Variants in BCKDHB observed in about 807,000 individuals in gnomAD.
BCKDHB encodes the protein 2-oxoisovalerate dehydrogenase subunit beta, mitochondrial.
A neutral mutation model predicts 48.5 loss-of-function variants in BCKDHB; 41 were observed. That is an observed-to-expected ratio of 0.85 (90% CI 0.66 to 1.10). The LOEUF (loss-of-function observed/expected upper bound fraction) is 1.10. Ranked by LOEUF, BCKDHB falls within the 50% of genes least tolerant of loss-of-function variation. BCKDHB has a pLI of 0.00. For missense variants in BCKDHB, 496 were observed against 494.2 expected (o/e 1.00, Z -0.03); for synonymous variants, 201 against 174.8 (o/e 1.15, Z -1.18).
At chr6:80,419,200 T>C in the BCKDHB span, among the ~76,000 whole-genome samples, 2 of 151,874 alleles carry the variant, frequency 1.3e-5, no homozygotes, top group African/African-American at 4.8e-5. Context: ...ACCAGCAAAG[T>C]GATGTGGGGA....
Position 80,130,516 on chromosome 6 carries a change from G to A in BCKDHB, c.343+1287G>A, listed in dbSNP as rs572679576. ...CAGGTTGAGTTTCTGGATCCAGTCC[G>A]TCTGCTTTCTCCTACTTCTAATACC... is the stretch of plus-strand genomic sequence containing the variant. On this transcript the variant is annotated intron_variant, in intron 3 of 9. Transcript: ENST00000320393. Among the ~76,000 whole-genome samples the A allele has an allele frequency of 2.7e-4, 41 of 152,178 alleles. No homozygotes were observed. The South Asian group carries it at 7.3e-3, about 27-fold the overall frequency.
At chr6:80,402,479 T>G in the BCKDHB span, among the ~76,000 whole-genome samples, 1 of 151,878 alleles carries the variant, frequency 6.6e-6, no homozygotes, top group African/African-American at 2.4e-5. Flanking sequence ...GCTTTTGGGT[T>G]GTATGACTTC....
At chr6:80,257,482 T>C (rs1268012518) in intron 8 of BCKDHB, among the ~76,000 whole-genome samples, 1 of 151,028 alleles carries the variant, frequency 6.6e-6, no homozygotes, top group African/African-American at 2.4e-5. Context: ...AATGTAACAG[T>C]ATAAGTATCT....
At chr6:80,384,772 A>G in the BCKDHB span, among the ~76,000 whole-genome samples, 1 of 152,126 alleles carries the variant, frequency 6.6e-6, no homozygotes, top group Non-Finnish European at 1.5e-5. Flanking sequence ...CTCTTTATAT[A>G]TATCTTATTA....
At chr6:80,133,129 G>T (rs2127732320) in intron 3 of BCKDHB, among the ~76,000 whole-genome samples, 1 of 152,318 alleles carries the variant, frequency 6.6e-6, no homozygotes, top group South Asian at 2.1e-4. Context: ...GATCAAGTCA[G>T]CAGGTGGCAG....
At chr6:80,444,339 G>C in the BCKDHB span, among the ~76,000 whole-genome samples, 4 of 152,066 alleles carry the variant, frequency 2.6e-5, no homozygotes, top group Non-Finnish European at 4.4e-5. Context: ...AAGAGAAATA[G>C]AAAGATAAAA....
intron 8 of BCKDHB, among the ~76,000 whole-genome samples, chr6:80,250,096 A>C (rs986121372): frequency 1.3e-5 from 2 of 152,090 alleles, no homozygotes; most frequent in Admixed American, 1.3e-4. Context: ...CTCAGAGAGT[A>C]GTTAGTATCC....
chr6:80,430,867 G>T, the BCKDHB span, among the ~76,000 whole-genome samples: 9 of 152,134 alleles, frequency 5.9e-5, no homozygotes, highest in African/African-American at 2.2e-4. Context: ...GCTAGCTTTT[G>T]AATTTGTTTG....
the BCKDHB span, among the ~76,000 whole-genome samples, chr6:80,378,651 C>T: frequency 6.6e-6 from 1 of 151,852 alleles, no homozygotes; most frequent in South Asian, 2.1e-4. Flanking sequence ...AGGTAGATAC[C>T]CAGTAGTGGG....
chr6:80,376,748 G>T, the BCKDHB span, among the ~76,000 whole-genome samples: 1 of 152,164 alleles, frequency 6.6e-6, no homozygotes, highest in Non-Finnish European at 1.5e-5. Context: ...TGAAGAGTTG[G>T]AGTGTGGGCA....
At chr6:80,364,399 C>T in the BCKDHB span, among the ~76,000 whole-genome samples, 111 of 152,118 alleles carry the variant, frequency 7.3e-4, no homozygotes, top group Middle Eastern at 3.4e-3. Flanking sequence ...GGCATTTGGC[C>T]GGGAGGGAGA....
chr6:80,131,225 A>G (rs1163274614), intron 3 of BCKDHB, among the ~76,000 whole-genome samples: 1 of 152,180 alleles, frequency 6.6e-6, no homozygotes. Context: ...CTGTGTATTC[A>G]GTTTCTACTG....
chr6:80,419,700 C>A, the BCKDHB span, among the ~76,000 whole-genome samples: 11 of 152,298 alleles, frequency 7.2e-5, no homozygotes, highest in East Asian at 2.1e-3. Flanking sequence ...TTCCAGAGGT[C>A]CATGGTGAGA....
At position 80,128,999 on chromosome 6, in the gene BCKDHB, C is replaced by T. The variant is rs540457216; in HGVS notation, c.275-162C>T. 5.9e-4 allele frequency among the ~76,000 whole-genome samples: 90 copies of T among 151,960 alleles called. 1 individual carries two copies. Among genetic ancestry groups the T allele is most frequent in the South Asian group, 2.9e-3 (14 of 4,806 alleles). ...CCTCACAACAAAAGAATCATCTAGT[C>T]TAAAATGTCAATAATGTAGAAGTTG... On this transcript the variant is annotated intron_variant, in intron 2 of 9. Coordinates refer to ENST00000320393, the MANE Select transcript of BCKDHB (RefSeq NM_183050.4).
chr6:80,378,265 A>G, the BCKDHB span, among the ~76,000 whole-genome samples: 1 of 152,076 alleles, frequency 6.6e-6, no homozygotes, highest in Non-Finnish European at 1.5e-5. Flanking sequence ...CCCAGTGTCT[A>G]TTATCTCCAC....
intron 6 of BCKDHB, among the ~76,000 whole-genome samples, chr6:80,178,932 A>G (rs1419487624): frequency 6.6e-6 from 1 of 152,240 alleles, no homozygotes; most frequent in African/African-American, 2.4e-5. Context: ...AATGGAGGAC[A>G]TAAATGAAAT....
At chr6:80,334,018 T>C (rs1363701659) in intron 9 of BCKDHB, among the ~76,000 whole-genome samples, 2 of 152,096 alleles carry the variant, frequency 1.3e-5, no homozygotes, top group Non-Finnish European at 2.9e-5. Flanking sequence ...ATTTACCCAA[T>C]TATGGGAGTA....
intron 8 of BCKDHB, among the ~76,000 whole-genome samples, chr6:80,226,406 T>G (rs1303251315): frequency 1.3e-5 from 2 of 152,184 alleles, no homozygotes; most frequent in Non-Finnish European, 2.9e-5. Context: ...ACTATTAATC[T>G]TGAGAGAGAG....
At chr6:80,229,602 T>G (rs915066183) in intron 8 of BCKDHB, among the ~76,000 whole-genome samples, 1 of 152,052 alleles carries the variant, frequency 6.6e-6, no homozygotes, top group Non-Finnish European at 1.5e-5. Context: ...ACTAGAAAAT[T>G]GAAGAGTTGT....
Sources: gnomAD v4.1 joint callset for allele counts (sites outside exome capture counted in the v4.1 genomes callset) on GRCh38, gnomAD v4.1.1 for gene constraint, MANE v1.5 for transcripts, NCBI Gene and HGNC (gene_info 2026-07-23, HGNC 2026-07-21) for gene names.